The following PATL1 variants were observed in gnomAD, a reference collection of about 807,000 sequenced individuals.
PATL1 encodes the protein protein PAT1 homolog 1.
Under a neutral mutation model 100.6 loss-of-function variants are expected in PATL1, and 32 were observed. The ratio of observed to expected loss-of-function variants is 0.32; its 90% CI spans 0.24 to 0.43. PATL1 has a LOEUF of 0.43. Ranked by LOEUF, PATL1 falls within the 20% of genes least tolerant of loss-of-function variation. PATL1 has a pLI of 1.00. For synonymous variants in PATL1, 332 were observed against 330.0 expected (o/e 1.01, Z -0.07); for missense variants, 747 against 949.9 (o/e 0.79, Z 2.81).
In PATL1 at chr11:59,657,700, C is replaced by T. The variant is rs1861556171; in HGVS notation, c.451G>A (p.Glu151Lys). 2 of 1,609,880 alleles carry T rather than the reference C, an allele frequency of 1.2e-6. No homozygotes were observed. The highest frequency in any genetic ancestry group is 2.2e-5 in the East Asian group (1 of 44,842). The change falls in exon 5 of 19, where the codon GAA (glutamate) becomes AAA (lysine). Residue 151 changes from glutamate (E) to lysine (K), a missense_variant. Coordinates refer to ENST00000300146, the MANE Select transcript of PATL1 (RefSeq NM_152716.3). ...AQEMPTVSVL[E>K]YALPQRPPQG... is the part of the protein sequence containing the mutation. ...GGGGGCCTCTGAGGCAAAGCATATT[C>T]TAATACAGACACTGTAGGCATTTCC...
Position 59,654,020 on chromosome 11 carries a change from G to T in PATL1, c.1084C>A (p.Arg362Ser). The T allele has an allele frequency of 1.2e-6, 2 of 1,613,718 alleles. No homozygotes were observed. The highest frequency in any genetic ancestry group is 1.7e-6 in the Non-Finnish European group (2 of 1,179,712). ...TGCTGTCTCTGATGCAAGAGTCGAC[G>T]GTGCTGTGGATGGAGGTGAGTTGTG... ...PDTTHLHPQH[R>S]RLLHQRQQQN... The change falls in exon 9 of 19, where the codon CGT (arginine) becomes AGT (serine). Residue 362 changes from arginine (R) to serine (S), a missense_variant. Physicochemically the swap from Arg to Ser is moderately radical, Grantham distance 110 (BLOSUM62 -1). Transcript: ENST00000300146.
chr11:59,646,132 A>C (rs775574091), intron 15 of PATL1, among the ~76,000 whole-genome samples: 17 of 152,172 alleles, frequency 1.1e-4, no homozygotes, highest in Admixed American at 3.9e-4. Flanking sequence ...TCCACACAAG[A>C]GCTCTGGTGG....
intron 2 of PATL1, among the ~76,000 whole-genome samples, chr11:59,663,659 G>A (rs1349208326): frequency 6.6e-6 from 1 of 152,130 alleles, no homozygotes; most frequent in Non-Finnish European, 1.5e-5. Context: ...TATTTTTAGA[G>A]AAGGAGTTGG....
chr11:59,645,770 C>G (rs146135575), intron 15 of PATL1, among the ~76,000 whole-genome samples: 131 of 152,240 alleles, frequency 8.6e-4, no homozygotes, highest in African/African-American at 3.0e-3. Context: ...GTATGAGTCT[C>G]TTGAAGTTGG....
Position 59,637,063 on chromosome 11 carries a change from CT to C in PATL1, c.*1326del, listed in dbSNP as rs746009105. On this transcript the variant is annotated 3_prime_UTR_variant, in exon 19 of 19. Transcript: ENST00000300146. ...TACATGTATGTGCAAAATGTTTATT[CT>C]CTTTAAATACCATAACCTGTCCCTC... 2 of 152,584 alleles carry C rather than the reference CT, an allele frequency of 1.3e-5. No homozygotes were observed. The highest frequency in any genetic ancestry group is 2.9e-5 in the Non-Finnish European group (2 of 68,032). 9.5% of individuals were successfully genotyped at this position (152,584 alleles called of 1,614,324 possible).
In PATL1 at chr11:59,653,014, G is replaced by T; in HGVS notation, c.1126C>A (p.His376Asn). The T allele has an allele frequency of 6.2e-7, 1 of 1,609,162 alleles. No individual in the cohort carries two copies. The highest frequency in any genetic ancestry group is 1.1e-5 in the South Asian group (1 of 90,680). Reference protein sequence around the residue: ...HQRQQQNRSQHRNLNGAGDRG... With the variant: ...HQRQQQNRSQNRNLNGAGDRG... The stretch of plus-strand genomic sequence containing the variant: ...TCTCCCGCACCATTGAGATTCCGAT[G>T]CTGACTGAAAAACATACACCACATT... Residue 376 changes from histidine to asparagine, a missense_variant, in exon 10 of 19, where the codon CAT (histidine) becomes AAT (asparagine). By Grantham distance (68) the His-to-Asn change is moderately conservative (BLOSUM62 1). Transcript: ENST00000300146.
At chr11:59,649,353 C>T in intron 14 of PATL1, 109 bp downstream of exon 14, 2 of 1,105,620 alleles carry the variant, frequency 1.8e-6, no homozygotes, top group Non-Finnish European at 2.6e-6. Flanking sequence ...AGATTCTGAG[C>T]TTACAGAGAT....
intron 2 of PATL1, among the ~76,000 whole-genome samples, chr11:59,663,272 C>T (rs992457150): frequency 1.3e-5 from 2 of 152,132 alleles, no homozygotes; most frequent in African/African-American, 4.8e-5. Flanking sequence ...TAAACTTATA[C>T]TTGTAATAAC....
chr11:59,657,613 G>C lies in PATL1; in HGVS notation c.538C>G (p.Pro180Ala). Residue 180 changes from proline (P) to alanine (A), a missense_variant, in exon 5 of 19, where the codon CCT becomes GCT. Pro to Ala is a conservative substitution (Grantham distance 27, BLOSUM62 -1). Coordinates refer to ENST00000300146, the MANE Select transcript of PATL1 (RefSeq NM_152716.3). The part of the protein sequence containing the change: ...ERALPRRSTS[P>A]IIGSPPVRAV... ...CTAACAGGAGGACTGCCAATGATAG[G>C]TGAAGTTGACCGCCTTGGTAATGCT... is the stretch of plus-strand genomic sequence containing the variant. The C allele has an allele frequency of 6.2e-7, 1 of 1,612,992 alleles. No individual in the cohort carries two copies. The highest frequency in any genetic ancestry group is 8.5e-7 in the Non-Finnish European group (1 of 1,179,792).
At chr11:59,647,951 A>G (rs1428162477) in intron 14 of PATL1, 38 bp from the exon 15 acceptor site, 9 of 1,556,230 alleles carry the variant, frequency 5.8e-6, no homozygotes. Flanking sequence ...GTCAGCAAGA[A>G]CAATTAAGAA....
rs1004218495 is a variant in PATL1, at chr11:59,668,842, G to A, written c.15+39C>T. The A allele has an allele frequency of 2.4e-6, 3 of 1,247,024 alleles. No homozygotes were observed. In the African/African-American group the frequency reaches 4.7e-5, roughly 20 times the overall value. The allele number at this position is 1,247,024 out of a possible 1,614,324, so 77.2% of individuals were successfully genotyped here. A position where few individuals can be genotyped will look rare whatever the true frequency, so the allele number is the denominator to read the frequency against. On this transcript the variant is annotated intron_variant, in intron 1 of 18. Coordinates refer to ENST00000300146, the MANE Select transcript of PATL1 (RefSeq NM_152716.3). ...AGAGAGAGTGAGGGAGAGGGGCGCG[G>A]GAGGGAGGGAGGGGTCACTTCCGGT...
At chr11:59,668,810 C>G (rs1861732874) in intron 1 of PATL1, 71 bp downstream of exon 1, 1 of 770,212 alleles carries the variant, frequency 1.3e-6, no homozygotes, top group East Asian at 3.8e-5. Flanking sequence ...ACAGGACCGG[C>G]GCGCGGAGAG....
chr11:59,659,135 A>C, intron 3 of PATL1, 117 bp downstream of exon 3: 2 of 1,014,294 alleles, frequency 2.0e-6, no homozygotes, highest in Non-Finnish European at 2.9e-6. Flanking sequence ...TATATTATCA[A>C]TTTTCTATGG....
intron 16 of PATL1, chr11:59,639,612 G>T: frequency 4.4e-6 from 2 of 457,192 alleles, no homozygotes; most frequent in East Asian, 7.7e-5. Flanking sequence ...CAACAGAAAC[G>T]GAAAGTCATG....
chr11:59,668,692 G>A (rs546741780), intron 1 of PATL1, among the ~76,000 whole-genome samples, 189 bp downstream of exon 1: 16 of 152,152 alleles, frequency 1.1e-4, no homozygotes, highest in Non-Finnish European at 1.6e-4. Flanking sequence ...GGACTGTCTC[G>A]ACCCATGAAG....
At position 59,652,572 on chromosome 11, in the gene PATL1, G is replaced by C; in HGVS notation, c.1318C>G (p.Leu440Val). 6.2e-7 allele frequency: 1 copy of C among 1,613,604 alleles called. No individual in the cohort carries two copies. The highest frequency in any genetic ancestry group is 1.1e-5 in the South Asian group (1 of 91,034). Residue 440 changes from leucine to valine, a missense_variant, in exon 11 of 19, where the codon CTG becomes GTG. This residue lies in a region of PATL1 where 434 missense variants were observed against 596.1 expected (regional missense o/e 0.73). Coordinates refer to ENST00000300146, the MANE Select transcript of PATL1 (RefSeq NM_152716.3). ...DFYYQNYFEKLEKLSAAEEIQ... is the reference protein window; with the variant it reads ...DFYYQNYFEKVEKLSAAEEIQ... Reference sequence around the variant, plus strand: ...TCTTCAGCAGCTGACAGTTTCTCCAGTTTTTCAAAGTAATTCTACCACGAG... The same window carrying C: ...TCTTCAGCAGCTGACAGTTTCTCCACTTTTTCAAAGTAATTCTACCACGAG...
intron 1 of PATL1, 93 bp downstream of exon 1, chr11:59,668,788 C>T (rs1171964697): frequency 1.2e-5 from 8 of 668,630 alleles, no homozygotes; most frequent in East Asian, 3.5e-5. Context: ...CCGCCCCCTG[C>T]CCCGCAGGAA....
intron 2 of PATL1, among the ~76,000 whole-genome samples, chr11:59,661,230 TTTG>T (rs1861620884): frequency 6.6e-6 from 1 of 151,998 alleles, no homozygotes; most frequent in South Asian, 2.1e-4. Flanking sequence ...GAACTACAGG[TTTG>T]TACCACCACA....
At chr11:59,653,058 T>A in intron 9 of PATL1, 40 bp from the exon 10 acceptor site, 1 of 1,520,034 alleles carries the variant, frequency 6.6e-7, no homozygotes. Flanking sequence ...GTGGGCAAAT[T>A]AATTACGCTT....
Sources: allele counts gnomAD v4.1 joint callset (sites outside exome capture counted in the v4.1 genomes callset), GRCh38; gene constraint gnomAD v4.1.1; regional missense constraint gnomAD v4.1.1; transcripts MANE v1.5; gene names NCBI Gene and HGNC (gene_info 2026-07-23, HGNC 2026-07-21).